CAST: variants seen among roughly 807,000 people sequenced by gnomAD.
CAST encodes the protein MIR583 host.
In CAST, 76 loss-of-function variants were observed where a neutral mutation model predicts 119.6. The ratio of observed to expected loss-of-function variants is 0.64; its 90% CI spans 0.53 to 0.77. CAST has a LOEUF of 0.77. CAST is among the 30% of genes least tolerant of loss of function. The pLI, the probability that CAST is intolerant of heterozygous loss-of-function variation, is 0.00. For missense variants in CAST, 953 were observed against 946.5 expected (o/e 1.01, Z -0.09); for synonymous variants, 319 against 331.6 (o/e 0.96, Z 0.41).
the CAST span, among the ~76,000 whole-genome samples, chr5:96,329,589 G>A: frequency 1.3e-5 from 2 of 152,174 alleles, no homozygotes; most frequent in African/African-American, 4.8e-5. Context: ...CTGCATTATT[G>A]CTTTCTTTAG....
chr5:96,572,442 C>T (rs1338106099), intron 1 of CAST, among the ~76,000 whole-genome samples: 4 of 152,210 alleles, frequency 2.6e-5, no homozygotes, highest in African/African-American at 7.2e-5. Context: ...CTCAGGTGAT[C>T]TGCCCACCTC....
At chr5:96,252,947 C>T in the CAST span, among the ~76,000 whole-genome samples, 1,108 of 152,066 alleles carry the variant, frequency 7.3e-3, 11 homozygotes, top group African/African-American at 0.025. Flanking sequence ...CCAGCTGTTA[C>T]GGACTTGGTA....
At chr5:96,432,109 A>T in the CAST span, 1 of 1,535,422 alleles carries the variant, frequency 6.5e-7, no homozygotes, top group African/African-American at 1.4e-5. Flanking sequence ...AAAGAAATAG[A>T]TCCCTTCCCC....
At chr5:96,227,414 T>C in the CAST span, among the ~76,000 whole-genome samples, 3 of 152,344 alleles carry the variant, frequency 2.0e-5, no homozygotes, top group African/African-American at 7.2e-5. Flanking sequence ...ATTTCCAAAG[T>C]GTCTGTAGAC....
At chr5:96,770,836 CTG>C (rs1772040179) in intron 30 of CAST, among the ~76,000 whole-genome samples, 1 of 152,080 alleles carries the variant, frequency 6.6e-6, no homozygotes, top group African/African-American at 2.4e-5. Context: ...CCCAATTTGC[CTG>C]TGTTTTGCCT....
chr5:96,335,050 G>C, the CAST span, among the ~76,000 whole-genome samples: 1 of 152,078 alleles, frequency 6.6e-6, no homozygotes, highest in Admixed American at 6.5e-5. Context: ...CCAAGACCAG[G>C]TTCCACAGCC....
upstream of CAST, among the ~76,000 whole-genome samples, chr5:96,527,132 A>C (rs953121569): frequency 2.0e-5 from 3 of 152,160 alleles, no homozygotes; most frequent in African/African-American, 7.2e-5. Flanking sequence ...TTAAATATAC[A>C]TTTATCTCAG....
chr5:96,206,355 A>C, the CAST span, among the ~76,000 whole-genome samples: 1 of 151,980 alleles, frequency 6.6e-6, no homozygotes, highest in Non-Finnish European at 1.5e-5. Context: ...TGCTTCTGGC[A>C]TCTTCATCAT....
the CAST span, among the ~76,000 whole-genome samples, chr5:96,232,893 G>A: frequency 6.6e-6 from 1 of 152,044 alleles, no homozygotes; most frequent in Non-Finnish European, 1.5e-5. Context: ...GAGGAAGTTT[G>A]TAAAAATGCA....
the CAST span, among the ~76,000 whole-genome samples, chr5:96,139,998 G>A: frequency 6.6e-6 from 1 of 152,166 alleles, no homozygotes; most frequent in Non-Finnish European, 1.5e-5. Flanking sequence ...AAGTCTTAGT[G>A]TACCATTATT....
chr5:96,437,452 T>G, the CAST span, among the ~76,000 whole-genome samples: 1 of 152,252 alleles, frequency 6.6e-6, no homozygotes, highest in Admixed American at 6.5e-5. Context: ...TGCTTCTGCT[T>G]GCAGGCAATG....
the CAST span, chr5:96,379,485 G>A: frequency 6.6e-6 from 1 of 152,110 alleles, no homozygotes; most frequent in Non-Finnish European, 1.5e-5. Flanking sequence ...TGGAGTTTAT[G>A]AAGTATAAAA....
the CAST span, among the ~76,000 whole-genome samples, chr5:96,066,594 C>T: frequency 1.3e-5 from 2 of 151,744 alleles, no homozygotes; most frequent in African/African-American, 4.8e-5. Flanking sequence ...TTGTAGTTAC[C>T]GTCTGACTTT....
chr5:96,421,796 G>A, the CAST span: 1 of 826,456 alleles, frequency 1.2e-6, no homozygotes, highest in Non-Finnish European at 2.2e-6. Context: ...ACTGGAATGT[G>A]GATGAAATAT....
At chr5:96,562,202 C>T (rs1746387731) in intron 1 of CAST, among the ~76,000 whole-genome samples, 1 of 151,868 alleles carries the variant, frequency 6.6e-6, no homozygotes, top group South Asian at 2.1e-4. Context: ...CACACACACA[C>T]ACACAAATCC....
the CAST span, among the ~76,000 whole-genome samples, chr5:96,382,494 C>G: frequency 6.6e-6 from 1 of 152,182 alleles, no homozygotes; most frequent in African/African-American, 2.4e-5. Flanking sequence ...TTGGCACTTT[C>G]ATCTGATTTG....
At chr5:96,560,511 A>G (rs1746335405) in intron 1 of CAST, among the ~76,000 whole-genome samples, 2 of 152,218 alleles carry the variant, frequency 1.3e-5, no homozygotes, top group Non-Finnish European at 2.9e-5. Flanking sequence ...AATTTACAAG[A>G]AAAAACAACC....
At chr5:96,455,689 C>G in the CAST span, among the ~76,000 whole-genome samples, 27 of 152,340 alleles carry the variant, frequency 1.8e-4, no homozygotes, top group Non-Finnish European at 3.2e-4. Context: ...GCTCCCAACC[C>G]TCTCCTTCCT....
At chr5:96,491,490 C>CAAAAAAAAAAAAAAA in the CAST span, among the ~76,000 whole-genome samples, 21 of 56,772 alleles carry the variant, frequency 3.7e-4, no homozygotes, top group South Asian at 1.1e-3. Context: ...GACTCCATCT[C>CAAAAAAAAAAAAAAA]AAAAAAAAAA....
Sources: gnomAD v4.1 joint callset for allele counts (sites outside exome capture counted in the v4.1 genomes callset) on GRCh38, gnomAD v4.1.1 for gene constraint, MANE v1.5 for transcripts, NCBI Gene and HGNC (gene_info 2026-07-23, HGNC 2026-07-21) for gene names.